The following PNPLA8 variants were observed in gnomAD, a reference collection of about 807,000 sequenced individuals.
The protein encoded by PNPLA8 is calcium-independent phospholipase A2-gamma.
Under a neutral mutation model 76.9 loss-of-function variants are expected in PNPLA8, and 39 were observed. That is an observed-to-expected ratio of 0.51 (90% CI 0.39 to 0.66). The LOEUF is 0.66. Ranked by LOEUF, PNPLA8 falls within the 30% of genes least tolerant of loss-of-function variation. The pLI, the probability that PNPLA8 is intolerant of heterozygous loss-of-function variation, is 0.00. For synonymous variants in PNPLA8, 301 were observed against 307.9 expected, an observed-to-expected ratio of 0.98 and a Z score of 0.24; for missense variants, 887 against 918.0, an observed-to-expected ratio of 0.97 and a Z score of 0.44.
At chr7:108,480,709 G>T in intron 9 of PNPLA8, 1 of 421,272 alleles carries the variant, frequency 2.4e-6, no homozygotes, top group Non-Finnish European at 4.9e-6. Context: ...ATACAACCTT[G>T]TAAAGCAGCT....
chr7:108,518,037 G>A (rs189920227), intron 2 of PNPLA8, among the ~76,000 whole-genome samples: 3 of 152,332 alleles, frequency 2.0e-5, no homozygotes, highest in Admixed American at 1.3e-4. Context: ...ATCTGCTGAA[G>A]GCCCACTTAC....
intron 9 of PNPLA8, among the ~76,000 whole-genome samples, chr7:108,485,358 ATCT>A (rs887261585): frequency 2.0e-5 from 3 of 152,244 alleles, no homozygotes; most frequent in Non-Finnish European, 2.9e-5. Context: ...TGTTGTAATA[ATCT>A]TCTTCTTATA....
At chr7:108,492,969 A>G (rs974323522) in intron 7 of PNPLA8, among the ~76,000 whole-genome samples, 1 of 152,216 alleles carries the variant, frequency 6.6e-6, no homozygotes, top group Non-Finnish European at 1.5e-5. Context: ...TGAAACCACA[A>G]TGATGAGACG....
At chr7:108,477,703 AG>A (rs779571644) in intron 10 of PNPLA8, among the ~76,000 whole-genome samples, 21 of 152,088 alleles carry the variant, frequency 1.4e-4, no homozygotes, top group Non-Finnish European at 2.5e-4. Context: ...CTACAAAAAA[AG>A]GTCTGAAAAA....
In PNPLA8 at chr7:108,488,483, AGAATT is replaced by A. The variant is rs1479593190; in HGVS notation, c.1684-535_1684-531del. On this transcript the variant is annotated intron_variant, in intron 8 of 10. Transcript: ENST00000257694. Reference sequence around the variant, plus strand: ...CAGCTACTCGGGAGGCTGAGGCAGGAGAATTGCTTGCCCAGGAGGTGGGGGTTGGA... The same window carrying A: ...CAGCTACTCGGGAGGCTGAGGCAGGAGCTTGCCCAGGAGGTGGGGGTTGGA... Among the ~76,000 whole-genome samples, 10 of 152,294 alleles carry A rather than the reference AGAATT, an allele frequency of 6.6e-5. No homozygotes were observed. In the East Asian group the frequency reaches 9.7e-4, roughly 15 times the overall value.
chr7:108,513,514 T>C (rs1863084821), intron 4 of PNPLA8, among the ~76,000 whole-genome samples: 1 of 152,090 alleles, frequency 6.6e-6, no homozygotes, highest in South Asian at 2.1e-4. Flanking sequence ...TATCTATCAT[T>C]ATGATATTTT....
In PNPLA8 at chr7:108,511,973, T is replaced by C. The variant is rs114673036; in HGVS notation, c.1206+2171A>G. Among the ~76,000 whole-genome samples the C allele has an allele frequency of 9.9e-3, 1,502 of 152,330 alleles. 28 individuals are homozygous for C. The highest frequency in any genetic ancestry group is 0.032 in the African/African-American group (1,346 of 41,570). On this transcript the variant is annotated intron_variant, in intron 4 of 10. Transcript: ENST00000257694. ...CAGAAGGTTGTACTTTTCAGGCCCATGCAATCGGACAGGATAAACAGATTG... is the reference window on the plus strand; with the variant it reads ...CAGAAGGTTGTACTTTTCAGGCCCACGCAATCGGACAGGATAAACAGATTG...
chr7:108,475,583 T>G (rs1399465046), intron 10 of PNPLA8, among the ~76,000 whole-genome samples: 1 of 152,198 alleles, frequency 6.6e-6, no homozygotes, highest in Non-Finnish European at 1.5e-5. Flanking sequence ...ATTTAGGTCT[T>G]TAATTTCTCT....
At chr7:108,507,528 CCTGTGGTCCCAGGTACTCAGGAGG>C (rs1234431400) in intron 4 of PNPLA8, among the ~76,000 whole-genome samples, 1 of 151,750 alleles carries the variant, frequency 6.6e-6, no homozygotes, top group African/African-American at 2.4e-5. Context: ...GTTGTGCATG[CCTGTGGTCCCAGGTACTCAGGAGG>C]CTGAGCTGGG....
intron 6 of PNPLA8, among the ~76,000 whole-genome samples, 177 bp from the exon 7 acceptor site, chr7:108,496,932 A>G (rs1429626587): frequency 6.6e-6 from 1 of 152,166 alleles, no homozygotes; most frequent in Non-Finnish European, 1.5e-5. Context: ...AATGGGAGTA[A>G]TAAGAACAAC....
rs762435777 is a variant in PNPLA8, at chr7:108,496,743, G to A, written c.1466C>T (p.Ala489Val). The A allele has an allele frequency of 4.0e-5, 64 of 1,608,806 alleles. No homozygotes were observed. Among genetic ancestry groups the A allele is most frequent in the African/African-American group, 5.4e-5 (4 of 74,598 alleles). ...CATATGAAACAACCCCAACATGAAA[G>A]CTAATATGGCACCTGGAAAAAAGAA... ...ICGVSTGAIL[A>V]FMLGLFHMPL... The change falls in exon 7 of 11, where the codon GCT becomes GTT. Residue 489 changes from alanine (A) to valine (V), a missense_variant. Coordinates refer to ENST00000257694, the MANE Select transcript of PNPLA8 (RefSeq NM_001256007.3).
chr7:108,495,508 C>T (rs1861483943), intron 7 of PNPLA8, among the ~76,000 whole-genome samples: 1 of 152,056 alleles, frequency 6.6e-6, no homozygotes, highest in South Asian at 2.1e-4. Flanking sequence ...AAACACATCA[C>T]CATGTTAATA....
chr7:108,485,027 T>C (rs1860650341), intron 9 of PNPLA8, among the ~76,000 whole-genome samples: 1 of 152,192 alleles, frequency 6.6e-6, no homozygotes, highest in Non-Finnish European at 1.5e-5. Context: ...TCATAATTTA[T>C]TTATGTTTAT....
intron 10 of PNPLA8, among the ~76,000 whole-genome samples, chr7:108,477,969 G>GT (rs1356146398): frequency 1.3e-5 from 2 of 152,196 alleles, no homozygotes; most frequent in Admixed American, 1.3e-4. Context: ...AGCAAACTGG[G>GT]TAAGTCAAAG....
intron 1 of PNPLA8, among the ~76,000 whole-genome samples, chr7:108,524,950 T>C (rs948902527): frequency 2.6e-5 from 4 of 152,092 alleles, no homozygotes; most frequent in Admixed American, 2.6e-4. Context: ...CAACTCAAAG[T>C]ACAGGCTGTT....
intron 9 of PNPLA8, among the ~76,000 whole-genome samples, chr7:108,484,689 A>G (rs566481628): frequency 2.6e-5 from 4 of 152,332 alleles, no homozygotes; most frequent in African/African-American, 9.6e-5. Flanking sequence ...CCCTGACAGA[A>G]TAAATCACCT....
intron 10 of PNPLA8, among the ~76,000 whole-genome samples, 200 bp downstream of exon 10, chr7:108,478,984 T>G (rs1301736703): frequency 6.6e-6 from 1 of 152,196 alleles, no homozygotes; most frequent in Non-Finnish European, 1.5e-5. Flanking sequence ...ATCTCTCAAA[T>G]GGAAAACAGT....
chr7:108,499,374 ACAG>A (rs1425304004), intron 5 of PNPLA8, among the ~76,000 whole-genome samples: 1 of 152,226 alleles, frequency 6.6e-6, no homozygotes, highest in Non-Finnish European at 1.5e-5. Context: ...CCAAGTTGCC[ACAG>A]CTGTCTGTGT....
intron 1 of PNPLA8, among the ~76,000 whole-genome samples, chr7:108,522,304 A>AT (rs1253188591): frequency 6.7e-6 from 1 of 150,340 alleles, no homozygotes; most frequent in Non-Finnish European, 1.5e-5. Context: ...AAAAAAAAAA[A>AT]CAAAAAAAGA....
Sources: allele counts gnomAD v4.1 joint callset (sites outside exome capture counted in the v4.1 genomes callset), GRCh38; gene constraint gnomAD v4.1.1; transcripts MANE v1.5; gene names NCBI Gene and HGNC (gene_info 2026-07-23, HGNC 2026-07-21).